Variants in IL18R1 observed in about 807,000 individuals in gnomAD.
The protein encoded by IL18R1 is interleukin 18 receptor 1.
In IL18R1, 40 loss-of-function variants were observed where a neutral mutation model predicts 48.5. The observed-to-expected ratio is 0.82, with a 90% CI of 0.64 to 1.07. IL18R1 has a LOEUF of 1.07. Among genes scored for constraint, IL18R1 ranks in the 50% least tolerant of loss-of-function variants. The pLI, the probability that IL18R1 is intolerant of heterozygous loss-of-function variation, is 0.00. For missense variants in IL18R1, 596 were observed against 633.7 expected, an observed-to-expected ratio of 0.94 and a Z score of 0.64; for synonymous variants, 232 against 225.9, an observed-to-expected ratio of 1.03 and a Z score of -0.24.
chr2:102,394,438 A>C (rs763917117), intron 9 of IL18R1, 31 bp from the exon 10 acceptor site: 7 of 1,541,106 alleles, frequency 4.5e-6, no homozygotes, highest in Non-Finnish European at 6.2e-6. Context: ...TTATTTACAC[A>C]TGAATTAAAA....
chr2:102,389,878 A>T (rs1680459004), intron 8 of IL18R1, among the ~76,000 whole-genome samples, 178 bp from the exon 9 acceptor site: 1 of 152,218 alleles, frequency 6.6e-6, no homozygotes, highest in African/African-American at 2.4e-5. Context: ...TCTGAGTAGA[A>T]ATATCACTAC....
intron 5 of IL18R1, among the ~76,000 whole-genome samples, chr2:102,376,478 T>C (rs1679592517): frequency 6.6e-6 from 1 of 152,214 alleles, no homozygotes; most frequent in Non-Finnish European, 1.5e-5. Flanking sequence ...AGGGATTTGA[T>C]TCTAATCAGG....
chr2:102,360,008 G>C (rs1392706694), intron 1 of IL18R1, among the ~76,000 whole-genome samples: 1 of 152,164 alleles, frequency 6.6e-6, no homozygotes, highest in African/African-American at 2.4e-5. Context: ...CAGTCGGTTA[G>C]CTGGTTGAAG....
At chr2:102,357,558 G>A (rs932114171) in intron 1 of IL18R1, among the ~76,000 whole-genome samples, 6 of 152,092 alleles carry the variant, frequency 3.9e-5, no homozygotes, top group African/African-American at 1.4e-4. Context: ...GAGAGTGGGA[G>A]CTAGTCCAGG....
intron 2 of IL18R1, among the ~76,000 whole-genome samples, chr2:102,367,512 G>A (rs1007551458): frequency 2.0e-5 from 3 of 152,170 alleles, no homozygotes; most frequent in Admixed American, 6.5e-5. Flanking sequence ...AAGTTGTAAT[G>A]TGTAATATTT....
At chr2:102,367,655 T>C (rs1407948196) in intron 2 of IL18R1, among the ~76,000 whole-genome samples, 170 bp from the exon 3 acceptor site, 1 of 152,208 alleles carries the variant, frequency 6.6e-6, no homozygotes, top group African/African-American at 2.4e-5. Flanking sequence ...CTTTCTAGTG[T>C]TGGAAAGATT....
In IL18R1 at chr2:102,356,293, G is replaced by C. The variant is rs1678244878; in HGVS notation, c.-136G>C. ...CACTTTCCACGGTAGTCAGGAGGCG[G>C]AGATCGCTGCTTCTCACCTACTTTC... On this transcript the variant is annotated 5_prime_UTR_variant, in exon 1 of 11. Transcript: ENST00000233957. 4.1e-6 allele frequency: 4 copies of C among 975,936 alleles called. No homozygotes were observed. The South Asian group carries it at 1.4e-4, about 35-fold the overall frequency. 60.5% of individuals were successfully genotyped at this position (975,936 alleles called of 1,614,324 possible). A position where few individuals can be genotyped will look rare whatever the true frequency, so the allele number is the denominator to read the frequency against.
At chr2:102,370,441 T>A (rs2105057566) in intron 3 of IL18R1, among the ~76,000 whole-genome samples, 1 of 152,302 alleles carries the variant, frequency 6.6e-6, no homozygotes, top group East Asian at 1.9e-4. Flanking sequence ...GAGAAGAAGG[T>A]GCTGCCAATG....
At chr2:102,395,896 G>A (rs1276512998) in intron 10 of IL18R1, among the ~76,000 whole-genome samples, 4 of 152,124 alleles carry the variant, frequency 2.6e-5, no homozygotes, top group South Asian at 2.1e-4. Context: ...TGTCGCCTGC[G>A]TCTGCATCTG....
rs1269562056 is a variant in IL18R1 at position 102,394,583 on chromosome 2, G to C, written c.1226G>C (p.Gly409Ala). Reference protein sequence around the residue: ...ILPRVLEKHFGYKLCIFERDV... With the variant: ...ILPRVLEKHFAYKLCIFERDV... ...CCCAGGGTGTTGGAGAAACATTTTG[G>C]GTATAAGTTATGCATATTTGAAAGG... Residue 409 changes from glycine to alanine, a missense_variant, in exon 10 of 11, where the codon GGG becomes GCG. Gly to Ala is a moderately conservative substitution (Grantham distance 60, BLOSUM62 0). Transcript: ENST00000233957. 2 of 1,613,030 alleles carry C rather than the reference G, an allele frequency of 1.2e-6. No homozygotes were observed. The highest frequency in any genetic ancestry group is 1.7e-6 in the Non-Finnish European group (2 of 1,179,270).
At chr2:102,386,705 A>T (rs1042128076) in intron 7 of IL18R1, among the ~76,000 whole-genome samples, 156 bp from the exon 8 acceptor site, 3 of 152,120 alleles carry the variant, frequency 2.0e-5, no homozygotes, top group African/African-American at 7.2e-5. Context: ...GGAGGAGGGG[A>T]CGTTTATTGT....
At chr2:102,364,209 A>T (rs1161059375) in intron 2 of IL18R1, among the ~76,000 whole-genome samples, 1 of 152,234 alleles carries the variant, frequency 6.6e-6, no homozygotes, top group Non-Finnish European at 1.5e-5. Context: ...AAGCTTTTTA[A>T]GACAAGCGAA....
chr2:102,388,097 C>T (rs1288820023), intron 8 of IL18R1, among the ~76,000 whole-genome samples: 2 of 152,066 alleles, frequency 1.3e-5, no homozygotes, highest in African/African-American at 2.4e-5. Flanking sequence ...ACAGACTGGG[C>T]CTTGGCTTTG....
At chr2:102,371,319 C>G (rs1022693269) in intron 3 of IL18R1, among the ~76,000 whole-genome samples, 2 of 152,158 alleles carry the variant, frequency 1.3e-5, no homozygotes, top group African/African-American at 2.4e-5. Context: ...GCCACTGCAC[C>G]TGGCCTAGTG....
chr2:102,389,698 A>G (rs912163735), intron 8 of IL18R1, among the ~76,000 whole-genome samples: 1 of 152,134 alleles, frequency 6.6e-6, no homozygotes, highest in Non-Finnish European at 1.5e-5. Context: ...TCTCAAAACT[A>G]TGCACCTCAA....
chr2:102,368,443 T>C (rs1679042254), intron 3 of IL18R1, among the ~76,000 whole-genome samples: 1 of 152,184 alleles, frequency 6.6e-6, no homozygotes, highest in Non-Finnish European at 1.5e-5. Flanking sequence ...AATGGGGCAG[T>C]GTCAGCTTCC....
At chr2:102,360,182 T>C (rs1306454538) in intron 1 of IL18R1, among the ~76,000 whole-genome samples, 1 of 152,240 alleles carries the variant, frequency 6.6e-6, no homozygotes, top group Non-Finnish European at 1.5e-5. Context: ...GCAATTAGAA[T>C]GGTTTTAACA....
At chr2:102,363,772 G>A (rs982214715) in intron 2 of IL18R1, among the ~76,000 whole-genome samples, 1 of 152,202 alleles carries the variant, frequency 6.6e-6, no homozygotes, top group Admixed American at 6.5e-5. Context: ...TGTTCTACAT[G>A]TAGGATTCAC....
chr2:102,379,848 TG>T (rs1355353876), intron 5 of IL18R1, among the ~76,000 whole-genome samples: 1 of 152,172 alleles, frequency 6.6e-6, no homozygotes, highest in Non-Finnish European at 1.5e-5. Context: ...CTGGTTTCTG[TG>T]ACTTGCTTTG....
Sources: gnomAD v4.1 joint callset for allele counts (sites outside exome capture counted in the v4.1 genomes callset) on GRCh38, gnomAD v4.1.1 for gene constraint, MANE v1.5 for transcripts, NCBI Gene and HGNC (gene_info 2026-07-23, HGNC 2026-07-21) for gene names.